The following ANK3 variants were observed in gnomAD, a reference collection of about 807,000 sequenced individuals.
The protein encoded by ANK3 is ankyrin 3, also known as ankyrin-3.
ANK3 carries 57 observed loss-of-function variants against 370.9 expected under a neutral mutation model. That is an observed-to-expected ratio of 0.15 (90% CI 0.12 to 0.19). The LOEUF is 0.19. ANK3 is among the 10% of genes least tolerant of loss of function. The pLI, the probability that ANK3 is intolerant of heterozygous loss-of-function variation, is 1.00. For synonymous variants in ANK3, 1,929 were observed against 1,946.3 expected, an observed-to-expected ratio of 0.99 and a Z score of 0.23; for missense variants, 4,439 against 5,302.1, an observed-to-expected ratio of 0.84 and a Z score of 5.06.
At chr10:60,064,687 A>G (rs372179731) in intron 38 of ANK3, among the ~76,000 whole-genome samples, 81 of 151,830 alleles carry the variant, frequency 5.3e-4, no homozygotes, top group African/African-American at 1.8e-3. Flanking sequence ...AACAACAACA[A>G]CAACAACAAC....
chr10:60,205,858 C>T lies in ANK3; in HGVS notation c.1227G>A (p.Lys409=), dbSNP rs748282159. 6.2e-6 allele frequency: 10 copies of T among 1,613,804 alleles called. No individual in the cohort carries two copies. Among genetic ancestry groups the T allele is most frequent in the Non-Finnish European group, 7.6e-6 (9 of 1,179,812 alleles). ...GTTCCATTACTTTAATTCGATTCTT[C>T]TTGCAGGCAATATGAAGAGGGGTAA... ...NGFTPLHIAC[K]KNRIKVMELL... is the part of the protein sequence containing the mutation. Residue 409 remains lysine, a synonymous_variant, in exon 11 of 44, where the codon AAG becomes AAA. Coordinates refer to ENST00000280772, the MANE Select transcript of ANK3 (RefSeq NM_020987.5).
At chr10:60,141,455 T>C (rs2094552108) in intron 23 of ANK3, among the ~76,000 whole-genome samples, 1 of 151,894 alleles carries the variant, frequency 6.6e-6, no homozygotes. Context: ...ACTAGTGGCC[T>C]TCCTTCTCAG....
intron 1 of ANK3, among the ~76,000 whole-genome samples, chr10:60,698,409 C>A (rs2133413978): frequency 6.6e-6 from 1 of 151,848 alleles, no homozygotes; most frequent in East Asian, 1.9e-4. Flanking sequence ...TGGGTATATA[C>A]CCAAAGGACT....
intron 1 of ANK3, among the ~76,000 whole-genome samples, chr10:60,664,835 T>C (rs1466820105): frequency 1.3e-5 from 2 of 152,256 alleles, no homozygotes; most frequent in Middle Eastern, 3.2e-3. Flanking sequence ...TATTTTCAAG[T>C]GCATAGATGC....
intron 2 of ANK3, among the ~76,000 whole-genome samples, chr10:60,517,363 G>A (rs10821785): frequency 0.24 from 36,019 of 151,846 alleles, 4,650 homozygotes; most frequent in East Asian, 0.47. Flanking sequence ...GTGCCCAGCC[G>A]ATTCTTAGTT....
intron 28 of ANK3, among the ~76,000 whole-genome samples, chr10:60,090,506 G>T (rs74321383): frequency 6.6e-6 from 1 of 152,062 alleles, no homozygotes; most frequent in African/African-American, 2.4e-5. Flanking sequence ...GCAAAAAGTA[G>T]ACTGGAAAAA....
intron 1 of ANK3, among the ~76,000 whole-genome samples, chr10:60,315,671 T>G (rs2047252346): frequency 6.6e-6 from 1 of 152,148 alleles, no homozygotes; most frequent in African/African-American, 2.4e-5. Context: ...AGATTTAGCT[T>G]CACTTGTTTA....
At chr10:60,568,236 A>C (rs1300322994) in intron 2 of ANK3, among the ~76,000 whole-genome samples, 2 of 152,292 alleles carry the variant, frequency 1.3e-5, no homozygotes, top group East Asian at 3.9e-4. Context: ...TCAATGTGGC[A>C]AACTTCACTG....
At chr10:60,581,515 C>G (rs1047185866) in intron 2 of ANK3, among the ~76,000 whole-genome samples, 4 of 150,670 alleles carry the variant, frequency 2.7e-5, no homozygotes, top group African/African-American at 9.8e-5. Flanking sequence ...AGCTTTGCCA[C>G]CCGGGTTCAA....
intron 2 of ANK3, among the ~76,000 whole-genome samples, chr10:60,535,954 T>G (rs986125165): frequency 6.6e-6 from 1 of 151,904 alleles, no homozygotes; most frequent in Non-Finnish European, 1.5e-5. Flanking sequence ...ACAAATAGTA[T>G]TTTGGAAACA....
chr10:60,320,114 T>C (rs1047882741), intron 1 of ANK3, among the ~76,000 whole-genome samples: 2 of 152,350 alleles, frequency 1.3e-5, no homozygotes, highest in Admixed American at 1.3e-4. Context: ...GGCCTGTGCC[T>C]AACTTGTGGC....
chr10:60,270,113 A>G lies in ANK3; in HGVS notation c.513+18T>C, dbSNP rs1454689141. 5 of 1,510,200 alleles carry G rather than the reference A, an allele frequency of 3.3e-6. No individual in the cohort carries two copies. The highest frequency in any genetic ancestry group is 3.6e-6 in the Non-Finnish European group (4 of 1,122,376). 93.5% of individuals were successfully genotyped at this position (1,510,200 alleles called of 1,614,324 possible). On this transcript the variant is annotated intron_variant, in intron 5 of 43. Transcript: ENST00000280772. ...ATAAATACGTGAACTCACCCACAGG[A>G]AAAAAACAGTATCTTACCTCTGTGG...
intron 1 of ANK3, among the ~76,000 whole-genome samples, chr10:60,297,234 T>A (rs980691286): frequency 1.3e-5 from 2 of 152,162 alleles, no homozygotes; most frequent in African/African-American, 4.8e-5. Context: ...TTGCCATCAC[T>A]CACCGTCACT....
At chr10:60,084,564 T>C in intron 32 of ANK3, 38 bp downstream of exon 32, 3 of 1,511,282 alleles carry the variant, frequency 2.0e-6, no homozygotes, top group Non-Finnish European at 2.8e-6. Context: ...ATATCTGGAG[T>C]ACGTAATGAA....
intron 2 of ANK3, among the ~76,000 whole-genome samples, chr10:60,487,837 C>A (rs557622670): frequency 1.3e-5 from 2 of 152,046 alleles, no homozygotes; most frequent in South Asian, 4.2e-4. Context: ...GCCTCAGCCG[C>A]CCGAGTAGCT....
chr10:60,234,739 A>G lies in ANK3; in HGVS notation c.846T>C (p.Asn282=). The G allele has an allele frequency of 3.1e-6, 5 of 1,613,622 alleles. No homozygotes were observed. Among genetic ancestry groups the G allele is most frequent in the Middle Eastern group, 1.7e-4 (1 of 6,056 alleles). Residue 282 remains asparagine, a synonymous_variant, in exon 8 of 44, where the codon AAT becomes AAC. Coordinates refer to ENST00000280772, the MANE Select transcript of ANK3 (RefSeq NM_020987.5). ...CTCGATCGAGCAATAGTTTTACCATATTTGCATTTCCTCTTTTTGATGCAA... is the reference window on the plus strand; with the variant it reads ...CTCGATCGAGCAATAGTTTTACCATGTTTGCATTTCCTCTTTTTGATGCAA... ...LHVASKRGNA[N]MVKLLLDRGA... is the part of the protein sequence containing the mutation.
At chr10:60,319,286 T>TTTA (rs1198730535) in intron 1 of ANK3, among the ~76,000 whole-genome samples, 36 of 152,228 alleles carry the variant, frequency 2.4e-4, no homozygotes, top group Non-Finnish European at 4.3e-4. Flanking sequence ...TCTGGGCAGG[T>TTTA]TTATTATTAT....
chr10:60,310,234 TAA>T (rs372467870), intron 1 of ANK3, among the ~76,000 whole-genome samples: 68 of 152,256 alleles, frequency 4.5e-4, no homozygotes, highest in African/African-American at 1.6e-3. Context: ...TGCAGTTTTT[TAA>T]AAAGTCATTT....
chr10:60,290,122 C>T (rs369815823), intron 1 of ANK3, among the ~76,000 whole-genome samples: 5 of 152,218 alleles, frequency 3.3e-5, no homozygotes, highest in Admixed American at 6.5e-5. Flanking sequence ...AATTTCCCAC[C>T]GATTTCAGAA....
Sources: allele counts gnomAD v4.1 joint callset (sites outside exome capture counted in the v4.1 genomes callset), GRCh38; gene constraint gnomAD v4.1.1; transcripts MANE v1.5; gene names NCBI Gene and HGNC (gene_info 2026-07-23, HGNC 2026-07-21).